The following FBXL17 variants were observed in gnomAD, a reference collection of about 807,000 sequenced individuals.
The protein encoded by FBXL17 is F-box/LRR-repeat protein 17.
Under a neutral mutation model 66.2 loss-of-function variants are expected in FBXL17, and 22 were observed. That is an observed-to-expected ratio of 0.33 (90% CI 0.24 to 0.47). The LOEUF is 0.47. Among genes scored for constraint, FBXL17 ranks in the 20% least tolerant of loss-of-function variants. The probability of loss-of-function intolerance (pLI) is 1.00; values close to 1 mark genes in which losing one functional copy is unlikely to be tolerated. For missense variants in FBXL17, 878 were observed against 948.2 expected (o/e 0.93, Z 0.97); for synonymous variants, 474 against 400.5 (o/e 1.18, Z -2.19).
chr5:108,201,562 T>C (rs897785844), intron 5 of FBXL17, among the ~76,000 whole-genome samples: 3 of 152,202 alleles, frequency 2.0e-5, no homozygotes, highest in Non-Finnish European at 2.9e-5. Context: ...AATTGGATTA[T>C]ATTTAACTCT....
At chr5:108,113,545 G>A (rs1028779130) in intron 6 of FBXL17, among the ~76,000 whole-genome samples, 1 of 152,036 alleles carries the variant, frequency 6.6e-6, no homozygotes, top group Non-Finnish European at 1.5e-5. Context: ...TGAAAATTAT[G>A]GGCAAGTGGA....
chr5:108,251,023 T>G (rs1243927987), intron 4 of FBXL17, among the ~76,000 whole-genome samples: 1 of 152,118 alleles, frequency 6.6e-6, no homozygotes, highest in African/African-American at 2.4e-5. Flanking sequence ...GTTATTTGTT[T>G]TGTTATTGCA....
chr5:108,073,450 ATC>A (rs1748418013), intron 6 of FBXL17, among the ~76,000 whole-genome samples: 1 of 152,096 alleles, frequency 6.6e-6, no homozygotes, highest in South Asian at 2.1e-4. Flanking sequence ...ATAAGGTATT[ATC>A]TACAAGGACC....
At chr5:107,925,666 C>T (rs746199004) in intron 7 of FBXL17, among the ~76,000 whole-genome samples, 3 of 152,124 alleles carry the variant, frequency 2.0e-5, no homozygotes, top group Non-Finnish European at 2.9e-5. Flanking sequence ...GCAGAAACCC[C>T]CAAGCGGGAA....
rs530473813 is a variant in FBXL17, at chr5:108,359,319, T to A, written c.1374+5419A>T. Reference sequence around the variant, plus strand: ...TGTCCTCTATCATGTTTATCTCTGGTCTGGTTATTATTTCCTTCCCTCCAC... The same window carrying A: ...TGTCCTCTATCATGTTTATCTCTGGACTGGTTATTATTTCCTTCCCTCCAC... On this transcript the variant is annotated intron_variant, in intron 3 of 8. Transcript: ENST00000542267. Among the ~76,000 whole-genome samples, 5 of 152,180 alleles carry A rather than the reference T, an allele frequency of 3.3e-5. 2 individuals are homozygous for A. The highest frequency in any genetic ancestry group is 1.2e-4 in the African/African-American group (5 of 41,534).
rs753984329 is a variant in FBXL17 at position 107,861,858 on chromosome 5, G to C, written c.1968C>G (p.Val656=). 1 of 1,520,808 alleles carries C rather than the reference G, an allele frequency of 6.6e-7. No homozygotes were observed. The highest frequency in any genetic ancestry group is 8.9e-7 in the Non-Finnish European group (1 of 1,127,260). The allele number at this position is 1,520,808 out of a possible 1,614,324, so 94.2% of individuals were successfully genotyped here. A position where few individuals can be genotyped will look rare whatever the true frequency, so the allele number is the denominator to read the frequency against. Reference sequence around the variant, plus strand: ...CCAGCTGTTCCACCGTCACTTCGTTGACCTGCAAACAAAGAAGAGTCACCA... The same window carrying C: ...CCAGCTGTTCCACCGTCACTTCGTTCACCTGCAAACAAAGAAGAGTCACCA... The part of the protein sequence containing the change: ...RYLGLMRCDK[V]NEVTVEQLVQ... Residue 656 remains valine, a splice_region_variant and synonymous_variant, in exon 9 of 9, where the codon GTC becomes GTG. Transcript: ENST00000542267.
At chr5:108,106,333 C>G (rs1749794895) in intron 6 of FBXL17, among the ~76,000 whole-genome samples, 1 of 152,190 alleles carries the variant, frequency 6.6e-6, no homozygotes, top group African/African-American at 2.4e-5. Flanking sequence ...AATGGTGCAA[C>G]CACTCTGGAA....
intron 4 of FBXL17, among the ~76,000 whole-genome samples, chr5:108,231,570 A>G (rs1755342594): frequency 6.6e-6 from 1 of 152,140 alleles, no homozygotes; most frequent in Admixed American, 6.5e-5. Flanking sequence ...TGTTCCCGCA[A>G]CAGTACATTC....
intron 6 of FBXL17, among the ~76,000 whole-genome samples, chr5:108,147,271 C>A (rs1751597211): frequency 6.6e-6 from 1 of 152,208 alleles, no homozygotes. Flanking sequence ...GTTGAGGCAA[C>A]AACGTCTTTC....
chr5:108,274,555 T>G (rs1157075460), intron 4 of FBXL17, among the ~76,000 whole-genome samples: 2 of 152,158 alleles, frequency 1.3e-5, no homozygotes, highest in East Asian at 1.9e-4. Context: ...TTAATGCAAT[T>G]ATTACAGGGT....
intron 6 of FBXL17, among the ~76,000 whole-genome samples, chr5:108,077,274 G>A (rs78898199): frequency 0.013 from 1,958 of 152,300 alleles, 44 homozygotes; most frequent in African/African-American, 0.045. Flanking sequence ...AATAGGCCAA[G>A]TATGATAAGA....
chr5:108,096,965 G>A (rs1401446783), intron 6 of FBXL17, among the ~76,000 whole-genome samples: 1 of 152,198 alleles, frequency 6.6e-6, no homozygotes, highest in Admixed American at 6.5e-5. Context: ...TTACTGATGG[G>A]CCTAGTAGAA....
At chr5:108,186,524 CA>C (rs921621176) in intron 5 of FBXL17, among the ~76,000 whole-genome samples, 17 of 152,172 alleles carry the variant, frequency 1.1e-4, no homozygotes, top group Admixed American at 9.8e-4. Flanking sequence ...GTAATCCCAG[CA>C]CTTTGGGAAG....
At chr5:108,262,054 TTTTATTTATTTA>T (rs1216863257) in intron 4 of FBXL17, among the ~76,000 whole-genome samples, 15 of 112,006 alleles carry the variant, frequency 1.3e-4, no homozygotes, top group Non-Finnish European at 3.2e-4. Flanking sequence ...GTGATACATA[TTTTATTTATTTA>T]TTTATTTATT....
At chr5:107,924,872 C>G (rs868560688) in intron 7 of FBXL17, among the ~76,000 whole-genome samples, 8 of 152,128 alleles carry the variant, frequency 5.3e-5, no homozygotes, top group African/African-American at 1.9e-4. Flanking sequence ...AACTAAGAAG[C>G]TAATATGTGA....
chr5:108,273,093 A>C (rs1345587037), intron 4 of FBXL17, among the ~76,000 whole-genome samples: 2 of 152,170 alleles, frequency 1.3e-5, no homozygotes, highest in Non-Finnish European at 2.9e-5. Flanking sequence ...GAGTTTCAAA[A>C]GGGGAGGGAG....
chr5:107,921,011 A>G (rs1037162089), intron 7 of FBXL17, among the ~76,000 whole-genome samples: 5 of 152,212 alleles, frequency 3.3e-5, no homozygotes, highest in Non-Finnish European at 7.3e-5. Flanking sequence ...ATACTATTAT[A>G]TACATTATAA....
chr5:108,256,664 T>C (rs1433571392), intron 4 of FBXL17, among the ~76,000 whole-genome samples: 3 of 152,100 alleles, frequency 2.0e-5, no homozygotes, highest in Admixed American at 1.3e-4. Context: ...ACCCAACATA[T>C]ACACAATCTT....
Position 108,355,527 on chromosome 5 carries a change from C to G in FBXL17, c.1375-6997G>C, listed in dbSNP as rs529919227. Reference sequence around the variant, plus strand: ...CGAACTCCTGACCTCAGGTAAGCCACCTGCCTCAGCCTCCCAAAGTGCTGG... The same window carrying G: ...CGAACTCCTGACCTCAGGTAAGCCAGCTGCCTCAGCCTCCCAAAGTGCTGG... On this transcript the variant is annotated intron_variant, in intron 3 of 8. Coordinates refer to ENST00000542267, the MANE Select transcript of FBXL17 (RefSeq NM_001163315.3). 2.6e-5 allele frequency among the ~76,000 whole-genome samples: 4 copies of G among 152,174 alleles called. No individual in the cohort carries two copies. The East Asian group carries it at 7.7e-4, about 29-fold the overall frequency.
Sources: gnomAD v4.1 joint callset for allele counts (sites outside exome capture counted in the v4.1 genomes callset) on GRCh38, gnomAD v4.1.1 for gene constraint, MANE v1.5 for transcripts, NCBI Gene and HGNC (gene_info 2026-07-23, HGNC 2026-07-21) for gene names.